The following GALNTL6 variants were observed in gnomAD, a reference collection of about 807,000 sequenced individuals.
The protein encoded by GALNTL6 is polypeptide N-acetylgalactosaminyltransferase-like 6.
GALNTL6 carries 46 observed loss-of-function variants against 73.7 expected under a neutral mutation model. That is an observed-to-expected ratio of 0.62 (90% CI 0.49 to 0.80). The LOEUF is 0.80. GALNTL6 is among the 30% of genes least tolerant of loss of function. The pLI, the probability that GALNTL6 is intolerant of heterozygous loss-of-function variation, is 0.00. For synonymous variants in GALNTL6, 259 were observed against 263.7 expected (o/e 0.98, Z 0.17); for missense variants, 604 against 755.0 (o/e 0.80, Z 2.34).
intron 5 of GALNTL6, among the ~76,000 whole-genome samples, chr4:172,487,217 T>A (rs1277564544): frequency 8.4e-6 from 1 of 119,216 alleles, no homozygotes. Flanking sequence ...TCTTTCTCCT[T>A]CCTTCCTTCC....
intron 10 of GALNTL6, among the ~76,000 whole-genome samples, chr4:173,000,855 A>G (rs1752015620): frequency 6.6e-6 from 1 of 152,166 alleles, no homozygotes; most frequent in Non-Finnish European, 1.5e-5. Flanking sequence ...GATATCCACT[A>G]CTAATGGATT....
At chr4:172,011,533 A>G (rs935016965) in intron 2 of GALNTL6, among the ~76,000 whole-genome samples, 4 of 152,166 alleles carry the variant, frequency 2.6e-5, no homozygotes, top group Admixed American at 2.0e-4. Context: ...AACAGAGTAA[A>G]TTAGCATAAA....
chr4:171,914,140 A>G (rs1219460905), intron 2 of GALNTL6, among the ~76,000 whole-genome samples: 1 of 152,148 alleles, frequency 6.6e-6, no homozygotes, highest in Non-Finnish European at 1.5e-5. Flanking sequence ...AGGACTGTAA[A>G]GGTCCCCCAC....
intron 11 of GALNTL6, among the ~76,000 whole-genome samples, chr4:173,014,399 C>T (rs1429866737): frequency 1.3e-5 from 2 of 152,222 alleles, no homozygotes; most frequent in African/African-American, 2.4e-5. Context: ...TGGCTGTTCC[C>T]ACTCTGCAGG....
intron 7 of GALNTL6, among the ~76,000 whole-genome samples, chr4:172,870,784 C>T (rs912387128): frequency 2.0e-5 from 3 of 152,158 alleles, no homozygotes; most frequent in African/African-American, 7.2e-5. Context: ...ATGATAAATT[C>T]ATTTCAGGAT....
intron 2 of GALNTL6, among the ~76,000 whole-genome samples, chr4:171,819,295 G>A (rs1734622039): frequency 6.6e-6 from 1 of 152,092 alleles, no homozygotes; most frequent in Non-Finnish European, 1.5e-5. Context: ...ACTGTAACAA[G>A]TATCTTAATT....
At chr4:171,901,223 G>A (rs941162479) in intron 2 of GALNTL6, among the ~76,000 whole-genome samples, 2 of 152,204 alleles carry the variant, frequency 1.3e-5, no homozygotes, top group Non-Finnish European at 2.9e-5. Flanking sequence ...AGAAGATTGG[G>A]AAGGCAAGAT....
At chr4:171,997,323 TATC>T (rs1215290497) in intron 2 of GALNTL6, among the ~76,000 whole-genome samples, 1 of 152,004 alleles carries the variant, frequency 6.6e-6, no homozygotes, top group East Asian at 1.9e-4. Context: ...ACACAGCAAA[TATC>T]AACCCATCAA....
chr4:172,903,687 A>C (rs1385451104), intron 8 of GALNTL6, among the ~76,000 whole-genome samples: 1 of 152,132 alleles, frequency 6.6e-6, no homozygotes, highest in Non-Finnish European at 1.5e-5. Context: ...CCCATACTGC[A>C]TTCTCTGTGA....
chr4:172,050,274 T>G (rs2110856666), intron 2 of GALNTL6, among the ~76,000 whole-genome samples: 1 of 152,232 alleles, frequency 6.6e-6, no homozygotes, highest in African/African-American at 2.4e-5. Context: ...CAGGCTTTAG[T>G]CCCAACTTCC....
chr4:172,694,680 G>A (rs754045319), intron 5 of GALNTL6, among the ~76,000 whole-genome samples: 10 of 152,310 alleles, frequency 6.6e-5, no homozygotes, highest in South Asian at 4.1e-4. Context: ...CTGGAACAGC[G>A]TGAGGAAAGT....
chr4:172,679,859 T>C (rs969273426), intron 5 of GALNTL6, among the ~76,000 whole-genome samples: 2 of 152,218 alleles, frequency 1.3e-5, no homozygotes, highest in Admixed American at 1.3e-4. Context: ...AAAACACATA[T>C]TGTCTCCGTG....
intron 5 of GALNTL6, among the ~76,000 whole-genome samples, chr4:172,654,910 G>A (rs760376299): frequency 2.0e-5 from 3 of 152,080 alleles, no homozygotes; most frequent in East Asian, 1.9e-4. Context: ...TCCTCACGAC[G>A]TTCTAGTAGA....
At chr4:172,776,731 A>C (rs1739094358) in intron 5 of GALNTL6, among the ~76,000 whole-genome samples, 1 of 152,152 alleles carries the variant, frequency 6.6e-6, no homozygotes, top group Non-Finnish European at 1.5e-5. Context: ...GTGCCTGCAA[A>C]CTCAACTGTG....
intron 5 of GALNTL6, among the ~76,000 whole-genome samples, chr4:172,365,988 C>A (rs13101363): frequency 0.55 from 83,161 of 151,910 alleles, 26,481 homozygotes; most frequent in South Asian, 0.72. Context: ...TAACTTGAAA[C>A]CTGATGGTAG....
chr4:172,404,730 A>G (rs954952394), intron 5 of GALNTL6, among the ~76,000 whole-genome samples: 4 of 152,134 alleles, frequency 2.6e-5, no homozygotes, highest in African/African-American at 9.6e-5. Context: ...CACTAATAGT[A>G]CATAATATAG....
chr4:171,830,324 A>G (rs1039220635), intron 2 of GALNTL6, among the ~76,000 whole-genome samples: 2 of 152,188 alleles, frequency 1.3e-5, no homozygotes, highest in African/African-American at 4.8e-5. Flanking sequence ...GATTGGCTAC[A>G]GCAATCCCAG....
intron 9 of GALNTL6, among the ~76,000 whole-genome samples, chr4:172,937,229 A>G (rs1157468790): frequency 6.6e-6 from 1 of 152,210 alleles, no homozygotes; most frequent in Non-Finnish European, 1.5e-5. Flanking sequence ...AATTATTAAA[A>G]TGGAGAAAGT....
rs578222853 is a variant in GALNTL6, at chr4:172,167,283, G to A, written c.139-62373G>A. 3.9e-5 allele frequency among the ~76,000 whole-genome samples: 6 copies of A among 152,284 alleles called. No individual in the cohort carries two copies. In the South Asian group the frequency reaches 1.2e-3, roughly 32 times the overall value. On this transcript the variant is annotated intron_variant, in intron 2 of 12. Transcript: ENST00000506823. Reference sequence around the variant, plus strand: ...TTTTAGGTACGGGGACCCATTAGCTGTTGGTTGTCTTGAATGAGGTTTAAC... The same window carrying A: ...TTTTAGGTACGGGGACCCATTAGCTATTGGTTGTCTTGAATGAGGTTTAAC...
Sources: allele counts gnomAD v4.1 joint callset (sites outside exome capture counted in the v4.1 genomes callset), GRCh38; gene constraint gnomAD v4.1.1; transcripts MANE v1.5; gene names NCBI Gene and HGNC (gene_info 2026-07-23, HGNC 2026-07-21).